Variants in RAD18 observed in about 807,000 individuals in gnomAD.
RAD18 encodes E3 ubiquitin-protein ligase RAD18.
Under a neutral mutation model 60.4 loss-of-function variants are expected in RAD18, and 47 were observed. That is an observed-to-expected ratio of 0.78 (90% CI 0.62 to 0.99). RAD18 has a LOEUF of 0.99. RAD18 is among the 50% of genes least tolerant of loss of function. RAD18 has a pLI of 0.00. For synonymous variants in RAD18, 225 were observed against 195.5 expected (o/e 1.15, Z -1.26); for missense variants, 640 against 593.3 (o/e 1.08, Z -0.82).
intron 2 of RAD18, among the ~76,000 whole-genome samples, chr3:8,955,964 C>T (rs1048344044): frequency 6.6e-6 from 1 of 152,044 alleles, no homozygotes; most frequent in Non-Finnish European, 1.5e-5. Context: ...TACATACTTA[C>T]CTATGATAAA....
chr3:8,929,266 T>C (rs890280587), intron 7 of RAD18, among the ~76,000 whole-genome samples: 3 of 151,490 alleles, frequency 2.0e-5, no homozygotes, highest in African/African-American at 7.3e-5. Context: ...AGACAAAAAC[T>C]GAGAAAAAGC....
Position 8,880,790 on chromosome 3 carries a change from A to G in RAD18, c.*567T>C, listed in dbSNP as rs1218330672. 1 of 152,392 alleles carries G rather than the reference A, an allele frequency of 6.6e-6. No homozygotes were observed. Among genetic ancestry groups the G allele is most frequent in the Non-Finnish European group, 1.5e-5 (1 of 68,190 alleles). 9.4% of individuals were successfully genotyped at this position (152,392 alleles called of 1,614,324 possible). A position where few individuals can be genotyped will look rare whatever the true frequency, so the allele number is the denominator to read the frequency against. On this transcript the variant is annotated 3_prime_UTR_variant, in exon 13 of 13. Coordinates refer to ENST00000264926, the MANE Select transcript of RAD18 (RefSeq NM_020165.4). ...TATCCTACTCTGAGAAATGTGTAAG[A>G]CACAGGTCTAACAAACAACTACATT... is the stretch of plus-strand genomic sequence containing the variant.
chr3:8,930,608 C>A (rs1940536682), intron 7 of RAD18, among the ~76,000 whole-genome samples: 1 of 151,986 alleles, frequency 6.6e-6, no homozygotes, highest in Non-Finnish European at 1.5e-5. Context: ...TGTTATAAAT[C>A]ATATCACAAA....
At position 8,878,168 on chromosome 3, in the gene RAD18, G is replaced by C. The variant is rs1299764833; in HGVS notation, c.*3189C>G. On this transcript the variant is annotated 3_prime_UTR_variant, in exon 13 of 13. Transcript: ENST00000264926. Reference sequence around the variant, plus strand: ...TCGGGGGGAGCAGCAACATATGCAAGCATGGACTTGTATCTGTATTCTGAA... The same window carrying C: ...TCGGGGGGAGCAGCAACATATGCAACCATGGACTTGTATCTGTATTCTGAA... 6.6e-6 allele frequency: 1 copy of C among 152,236 alleles called. No individual in the cohort carries two copies. Among genetic ancestry groups the C allele is most frequent in the Non-Finnish European group, 1.5e-5 (1 of 68,078 alleles). The allele number at this position is 152,236 out of a possible 1,614,324, so 9.4% of individuals were successfully genotyped here.
rs1468223389 is a variant in RAD18, at chr3:8,941,758, C to A, written c.313G>T (p.Ala105Ser). 2.5e-6 allele frequency: 4 copies of A among 1,613,942 alleles called. No individual in the cohort carries two copies. The highest frequency in any genetic ancestry group is 3.3e-5 in the Admixed American group (2 of 59,994). ...FALESPAKSP[A>S]SSSSKNLAVK... The stretch of plus-strand genomic sequence containing the variant: ...GCAAGATTCTTTGAAGAGGAAGAAG[C>A]AGGAGATTTGGCTGGTGACTCTAAA... Residue 105 changes from alanine to serine, a missense_variant, in exon 5 of 13, where the codon GCT (alanine) becomes TCT (serine). Coordinates refer to ENST00000264926, the MANE Select transcript of RAD18 (RefSeq NM_020165.4).
rs183339673 is a variant in RAD18 at position 8,927,629 on chromosome 3, T to C, written c.889+8242A>G. On this transcript the variant is annotated intron_variant, in intron 7 of 12. Coordinates refer to ENST00000264926, the MANE Select transcript of RAD18 (RefSeq NM_020165.4). ...TGCACACATATGTTTATTGTGGCAC[T>C]ATTCACAATGGCAAAGACTAGGAAC... 2.2e-3 allele frequency among the ~76,000 whole-genome samples: 329 copies of C among 152,336 alleles called. 1 individual carries two copies. The highest frequency in any genetic ancestry group is 7.3e-3 in the African/African-American group (305 of 41,566).
intron 12 of RAD18, chr3:8,890,168 G>A (rs931831020): frequency 6.0e-5 from 32 of 536,564 alleles, no homozygotes; most frequent in Non-Finnish European, 1.1e-4. Flanking sequence ...TATCCATACA[G>A]AAATAACATC....
intron 12 of RAD18, among the ~76,000 whole-genome samples, chr3:8,889,643 G>A (rs886946592): frequency 2.6e-5 from 4 of 152,150 alleles, no homozygotes; most frequent in Non-Finnish European, 5.9e-5. Context: ...GTGGGAGAGA[G>A]CTTTTCATGC....
chr3:8,939,422 G>C, intron 6 of RAD18, 132 bp downstream of exon 6: 1 of 647,276 alleles, frequency 1.5e-6, no homozygotes. Context: ...GTGGCCAACA[G>C]GAGTAAAGAA....
chr3:8,963,058 GTT>G, intron 1 of RAD18, among the ~76,000 whole-genome samples: 1 of 152,320 alleles, frequency 6.6e-6, no homozygotes, highest in East Asian at 1.9e-4. Flanking sequence ...TGGAATAACT[GTT>G]TTTCTCCATG....
At chr3:8,897,836 T>A (rs889161534) in intron 11 of RAD18, among the ~76,000 whole-genome samples, 4 of 151,440 alleles carry the variant, frequency 2.6e-5, no homozygotes, top group Admixed American at 6.6e-5. Flanking sequence ...GAGGCCGAGG[T>A]GGGTGGATCA....
rs192843743 is a variant in RAD18, at chr3:8,942,967, T to G, written c.267-1163A>C. On this transcript the variant is annotated intron_variant, in intron 4 of 12. Transcript: ENST00000264926. The stretch of plus-strand genomic sequence containing the variant: ...AGAAATCTTGGTAAGATCATGGACA[T>G]TCAAGTGACACCCCACAAAGACCAC... Among the ~76,000 whole-genome samples the G allele has an allele frequency of 3.0e-4, 46 of 152,298 alleles. 1 individual carries two copies. In the East Asian group the frequency reaches 7.9e-3, roughly 26 times the overall value.
intron 7 of RAD18, among the ~76,000 whole-genome samples, chr3:8,917,430 G>C (rs1056905032): frequency 6.6e-6 from 1 of 152,066 alleles, no homozygotes; most frequent in East Asian, 1.9e-4. Flanking sequence ...TACTCTAAAA[G>C]ATAACTGTTT....
Position 8,947,294 on chromosome 3 carries a change from GA to G in RAD18, c.196-5del. The G allele has an allele frequency of 6.3e-7, 1 of 1,598,156 alleles. No homozygotes were observed. Among genetic ancestry groups the G allele is most frequent in the Non-Finnish European group, 8.6e-7 (1 of 1,168,420 alleles). On this transcript the variant is annotated splice_polypyrimidine_tract_variant and splice_region_variant and intron_variant, in intron 3 of 12. Coordinates refer to ENST00000264926, the MANE Select transcript of RAD18 (RefSeq NM_020165.4). ...TCAGATCCGGCTCTGTGACAGTCTA[GA>G]AAAAACAAACAACAGATGGAAAAAG...
intron 1 of RAD18, among the ~76,000 whole-genome samples, chr3:8,959,707 A>G (rs938730213): frequency 2.0e-5 from 3 of 152,212 alleles, no homozygotes; most frequent in African/African-American, 7.2e-5. Context: ...TACTCTGGCA[A>G]CCTAAAATCT....
chr3:8,901,163 A>G (rs1290841443), intron 10 of RAD18, among the ~76,000 whole-genome samples: 2 of 152,228 alleles, frequency 1.3e-5, no homozygotes, highest in Admixed American at 6.5e-5. Context: ...AAAAATTTAA[A>G]AATCAGAAAA....
At chr3:8,920,500 A>C (rs1252055735) in intron 7 of RAD18, among the ~76,000 whole-genome samples, 19 of 152,220 alleles carry the variant, frequency 1.2e-4, no homozygotes, top group Admixed American at 1.2e-3. Context: ...GAATAGCTAC[A>C]TAGTGTTGAA....
chr3:8,915,305 C>T (rs1221920634), intron 7 of RAD18, among the ~76,000 whole-genome samples: 2 of 152,060 alleles, frequency 1.3e-5, no homozygotes, highest in East Asian at 1.9e-4. Flanking sequence ...ACTTATAAAA[C>T]TATAATTTTT....
intron 9 of RAD18, among the ~76,000 whole-genome samples, chr3:8,904,034 T>C (rs989231814): frequency 7.2e-5 from 11 of 152,210 alleles, no homozygotes; most frequent in African/African-American, 2.7e-4. Flanking sequence ...CTGAGAGCAA[T>C]GGAAAATAAT....
Sources: allele counts gnomAD v4.1 joint callset (sites outside exome capture counted in the v4.1 genomes callset), GRCh38; gene constraint gnomAD v4.1.1; transcripts MANE v1.5; gene names NCBI Gene and HGNC (gene_info 2026-07-23, HGNC 2026-07-21).